Variants in RAD21 observed in about 807,000 individuals in gnomAD.
The protein encoded by RAD21 is double-strand-break repair protein rad21 homolog.
Under a neutral mutation model 71.5 loss-of-function variants are expected in RAD21, and 18 were observed. The ratio of observed to expected loss-of-function variants is 0.25; its 90% confidence interval spans 0.17 to 0.37. The LOEUF (loss-of-function observed/expected upper bound fraction) is 0.37. RAD21 is among the 10% of genes least tolerant of loss of function. RAD21 has a pLI of 1.00. For synonymous variants in RAD21, 248 were observed against 254.0 expected (o/e 0.98, Z 0.22); for missense variants, 493 against 769.1 (o/e 0.64, Z 4.25).
chr8:116,863,410 G>A, intron 2 of RAD21, 151 bp from the exon 3 acceptor site: 1 of 851,964 alleles, frequency 1.2e-6, no homozygotes, highest in Non-Finnish European at 1.7e-6. Context: ...ATCCTGAAAA[G>A]ACAGAGTGAC....
At chr8:116,854,609 C>T (rs1329893361) in intron 8 of RAD21, 141 bp from the exon 9 acceptor site, 5 of 670,692 alleles carry the variant, frequency 7.5e-6, no homozygotes, top group Middle Eastern at 4.1e-4. Flanking sequence ...GAGGATAGAA[C>T]GTTTTAACTC....
rs559793430 is a variant in RAD21, at chr8:116,866,527, T to A, written c.144+59A>T. 46 of 1,520,330 alleles carry A rather than the reference T, an allele frequency of 3.0e-5. No individual in the cohort carries two copies. In the South Asian group the frequency reaches 4.7e-4, roughly 16 times the overall value. The allele number at this position is 1,520,330 out of a possible 1,614,324, so 94.2% of individuals were successfully genotyped here. A position where few individuals can be genotyped will look rare whatever the true frequency, so the allele number is the denominator to read the frequency against. On this transcript the variant is annotated intron_variant, in intron 2 of 13. Transcript: ENST00000297338. The stretch of plus-strand genomic sequence containing the variant: ...CCTAAAAAAACTGTTTTAGAAGTTC[T>A]ATTTCACATATCAATAAACAATCAA...
intron 3 of RAD21, among the ~76,000 whole-genome samples, chr8:116,862,530 G>A (rs1812611124): frequency 6.6e-6 from 1 of 151,990 alleles, no homozygotes; most frequent in Admixed American, 6.6e-5. Flanking sequence ...GTACTAGAAT[G>A]TATCCTCAGT....
intron 13 of RAD21, among the ~76,000 whole-genome samples, chr8:116,848,506 T>C (rs534438382): frequency 1.3e-5 from 2 of 152,306 alleles, no homozygotes; most frequent in East Asian, 3.9e-4. Context: ...ACATTCAAGA[T>C]ATCCTGTCTA....
chr8:116,862,344 T>C (rs1356072251), intron 3 of RAD21, among the ~76,000 whole-genome samples: 1 of 152,090 alleles, frequency 6.6e-6, no homozygotes, highest in Non-Finnish European at 1.5e-5. Flanking sequence ...TTTTTCAAGT[T>C]GTCTATAATA....
chr8:116,866,423 A>T (rs1812695336), intron 2 of RAD21, among the ~76,000 whole-genome samples, 163 bp downstream of exon 2: 1 of 152,162 alleles, frequency 6.6e-6, no homozygotes, highest in Non-Finnish European at 1.5e-5. Context: ...TAATCATATC[A>T]AGTCTATCTA....
chr8:116,866,416 T>C (rs1223060679), intron 2 of RAD21, among the ~76,000 whole-genome samples, 170 bp downstream of exon 2: 1 of 152,154 alleles, frequency 6.6e-6, no homozygotes, highest in Non-Finnish European at 1.5e-5. Context: ...TAATCTGTAA[T>C]CATATCAAGT....
rs56026154 is a variant in RAD21 at position 116,866,254 on chromosome 8, GT to G, written c.144+331del. ...ACGCATTTACAGCACTTCCACGTCGGTTTTTTTTTTTTTTGAGACAGGGTCT... is the reference window on the plus strand; with the variant it reads ...ACGCATTTACAGCACTTCCACGTCGGTTTTTTTTTTTTTGAGACAGGGTCT... On this transcript the variant is annotated intron_variant, in intron 2 of 13. Coordinates refer to ENST00000297338, the MANE Select transcript of RAD21 (RefSeq NM_006265.3). Among the ~76,000 whole-genome samples the G allele has an allele frequency of 4.8e-4, 68 of 142,732 alleles. No homozygotes were observed. The South Asian group carries it at 5.9e-3, about 12-fold the overall frequency. The allele number at this position is 142,732 out of a possible 152,430, so 93.6% of individuals were successfully genotyped here. A position where few individuals can be genotyped will look rare whatever the true frequency, so the allele number is the denominator to read the frequency against.
At chr8:116,848,421 A>C (rs1191543614) in intron 13 of RAD21, among the ~76,000 whole-genome samples, 1 of 152,194 alleles carries the variant, frequency 6.6e-6, no homozygotes, top group African/African-American at 2.4e-5. Flanking sequence ...ATAGTTTTTA[A>C]AGTAAAAAAT....
intron 11 of RAD21, chr8:116,851,352 A>G (rs1009587952): frequency 7.2e-5 from 11 of 152,228 alleles, no homozygotes; most frequent in Admixed American, 2.0e-4. Context: ...AGGGCACAGA[A>G]AACTAGTTCT....
intron 1 of RAD21, among the ~76,000 whole-genome samples, chr8:116,871,640 TTTCAGTAATCAATACAAAAGA>T (rs1244410355): frequency 6.6e-6 from 1 of 152,232 alleles, no homozygotes; most frequent in Non-Finnish European, 1.5e-5. Context: ...GAACTTGCAC[TTTCAGTAATCAATACAAAAGA>T]TATACTTGGA....
intron 6 of RAD21, among the ~76,000 whole-genome samples, 180 bp downstream of exon 6, chr8:116,857,080 ATTTAGGT>A (rs1399180617): frequency 6.6e-6 from 1 of 152,190 alleles, no homozygotes; most frequent in Admixed American, 6.5e-5. Flanking sequence ...AGATAAGCAT[ATTTAGGT>A]TTTGTTACAA....
intron 1 of RAD21, among the ~76,000 whole-genome samples, chr8:116,869,768 TGAAA>T (rs1049526435): frequency 1.4e-4 from 21 of 151,958 alleles, no homozygotes; most frequent in African/African-American, 5.1e-4. Context: ...CATCAAATGC[TGAAA>T]GACACAGAGA....
At chr8:116,873,896 G>A (rs1413814233) in intron 1 of RAD21, among the ~76,000 whole-genome samples, 1 of 152,202 alleles carries the variant, frequency 6.6e-6, no homozygotes, top group East Asian at 1.9e-4. Context: ...AGAATGATCA[G>A]AAAAGTTCAG....
At chr8:116,865,179 T>C (rs937453884) in intron 2 of RAD21, among the ~76,000 whole-genome samples, 13 of 152,160 alleles carry the variant, frequency 8.5e-5, no homozygotes, top group African/African-American at 2.9e-4. Flanking sequence ...CATTACAATC[T>C]TTTACATTAT....
intron 1 of RAD21, among the ~76,000 whole-genome samples, chr8:116,867,978 C>A (rs1812731882): frequency 6.6e-6 from 1 of 152,156 alleles, no homozygotes; most frequent in South Asian, 2.1e-4. Flanking sequence ...TCATCACATT[C>A]ATCCCTCTCT....
chr8:116,852,747 ATAAATC>A lies in RAD21; in HGVS notation c.1162-45_1162-40del, dbSNP rs763062849. The A allele has an allele frequency of 2.9e-6, 4 of 1,362,268 alleles. No individual in the cohort carries two copies. The African/African-American group carries it at 6.0e-5, about 21-fold the overall frequency. The allele number at this position is 1,362,268 out of a possible 1,614,324, so 84.4% of individuals were successfully genotyped here. A position where few individuals can be genotyped will look rare whatever the true frequency, so the allele number is the denominator to read the frequency against. On this transcript the variant is annotated intron_variant, in intron 9 of 13. Coordinates refer to ENST00000297338, the MANE Select transcript of RAD21 (RefSeq NM_006265.3). Reference sequence around the variant, plus strand: ...AAAAAAGAAAAATTTCAATTATAAAATAAATCTAATTAAAAAGTCACCACTGATTTC... The same window carrying A: ...AAAAAAGAAAAATTTCAATTATAAAATAATTAAAAAGTCACCACTGATTTC...
chr8:116,868,760 G>A (rs1812749337), intron 1 of RAD21, among the ~76,000 whole-genome samples: 1 of 151,444 alleles, frequency 6.6e-6, no homozygotes, highest in African/African-American at 2.4e-5. Context: ...CACAGTCAAT[G>A]TAACAGAACT....
chr8:116,850,296 T>TA (rs1490578239), intron 12 of RAD21, among the ~76,000 whole-genome samples: 2 of 151,496 alleles, frequency 1.3e-5, no homozygotes, highest in African/African-American at 2.4e-5. Flanking sequence ...AAGCAGACAA[T>TA]AACAGCAGTA....
Sources: allele counts gnomAD v4.1 joint callset (sites outside exome capture counted in the v4.1 genomes callset), GRCh38; gene constraint gnomAD v4.1.1; transcripts MANE v1.5; gene names NCBI Gene and HGNC (gene_info 2026-07-23, HGNC 2026-07-21).